THEMIS2: variants seen among roughly 807,000 people sequenced by gnomAD.
THEMIS2 encodes the protein protein THEMIS2.
Under a neutral mutation model 46.8 loss-of-function variants are expected in THEMIS2, and 29 were observed. The ratio of observed to expected loss-of-function variants is 0.62; its 90% confidence interval spans 0.46 to 0.84. The LOEUF (loss-of-function observed/expected upper bound fraction) is 0.84, where lower values mean the gene tolerates loss of function less well. Ranked by LOEUF, THEMIS2 falls within the 40% of genes least tolerant of loss-of-function variation. The pLI, the probability that THEMIS2 is intolerant of heterozygous loss-of-function variation, is 0.00. For missense variants in THEMIS2, 698 were observed against 834.7 expected, an observed-to-expected ratio of 0.84 and a Z score of 2.02; for synonymous variants, 335 against 349.1, an observed-to-expected ratio of 0.96 and a Z score of 0.45.
rs117174801 is a variant in THEMIS2, at chr1:27,883,300, C to T, written c.1719+257C>T. On this transcript the variant is annotated intron_variant, in intron 4 of 5. Transcript: ENST00000373921. Reference sequence around the variant, plus strand: ...GGGTCCCTGTTAATAAGTGGGAGGACTGAACTTGGCCATGGACAGTCTAAC... The same window carrying T: ...GGGTCCCTGTTAATAAGTGGGAGGATTGAACTTGGCCATGGACAGTCTAAC... The T allele has an allele frequency of 3.3e-3, 1,716 of 513,044 alleles. 47 individuals are homozygous for T. The East Asian group carries it at 0.049, about 15-fold the overall frequency. The allele number at this position is 513,044 out of a possible 1,614,324, so 31.8% of individuals were successfully genotyped here. A position where few individuals can be genotyped will look rare whatever the true frequency, so the allele number is the denominator to read the frequency against.
At chr1:27,878,779 G>C (rs982026984) in intron 2 of THEMIS2, among the ~76,000 whole-genome samples, 13 of 151,844 alleles carry the variant, frequency 8.6e-5, no homozygotes, top group African/African-American at 3.1e-4. Context: ...CTAATCCATG[G>C]GCTGTATTTG....
intron 2 of THEMIS2, among the ~76,000 whole-genome samples, chr1:27,877,572 C>A (rs1024704348): frequency 1.1e-4 from 16 of 152,062 alleles, no homozygotes; most frequent in Non-Finnish European, 1.5e-4. Flanking sequence ...CGTGATCTGC[C>A]CGCCTTGGCC....
Position 27,872,589 on chromosome 1 carries a change from G to C in THEMIS2, c.18G>C (p.Leu6=). The C allele has an allele frequency of 6.7e-7, 1 of 1,489,644 alleles. No individual in the cohort carries two copies. The highest frequency in any genetic ancestry group is 8.9e-7 in the Non-Finnish European group (1 of 1,121,798). 92.3% of individuals were successfully genotyped at this position (1,489,644 alleles called of 1,614,324 possible). A position where few individuals can be genotyped will look rare whatever the true frequency, so the allele number is the denominator to read the frequency against. Residue 6 remains leucine (L), a synonymous_variant, in exon 1 of 6, where the codon CTG becomes CTC. Transcript: ENST00000373921. This position sits in a 1 kb window ranked among gnomAD's most constrained non-coding sequence, Gnocchi z 4.9. MEPVP[L]QDFVRALDPA... is the part of the protein sequence containing the mutation. ...CGGGGACCATGGAGCCGGTGCCGCTGCAGGACTTCGTGCGCGCCTTGGACC... is the reference window on the plus strand; with the variant it reads ...CGGGGACCATGGAGCCGGTGCCGCTCCAGGACTTCGTGCGCGCCTTGGACC...
In THEMIS2 at chr1:27,885,186, A is replaced by G. The variant is rs1238309180; in HGVS notation, c.1720-109A>G. The G allele has an allele frequency of 2.5e-6, 3 of 1,183,220 alleles. No individual in the cohort carries two copies. In the East Asian group the frequency reaches 7.4e-5, roughly 29 times the overall value. 73.3% of individuals were successfully genotyped at this position (1,183,220 alleles called of 1,614,324 possible). On this transcript the variant is annotated intron_variant, in intron 4 of 5. Transcript: ENST00000373921. The stretch of plus-strand genomic sequence containing the variant: ...TTGAGAGGTCATAGCCTGAAAAGGA[A>G]GTAGAGAGAGAAGCAGAGGAAGTGA...
At chr1:27,873,223 G>A (rs1468140500) in intron 1 of THEMIS2, among the ~76,000 whole-genome samples, 1 of 152,084 alleles carries the variant, frequency 6.6e-6, no homozygotes, top group East Asian at 1.9e-4. Context: ...CTCCTTGCAC[G>A]CCCCCGTACA....
At position 27,886,191 on chromosome 1, in the gene THEMIS2, G is replaced by A. The variant is rs192720612; in HGVS notation, c.*269G>A. On this transcript the variant is annotated 3_prime_UTR_variant, in exon 6 of 6. Transcript: ENST00000373921. ...CTTGGGATGCAGAGCAGCTGGCAGG[G>A]TTCCTCTCAATCCTGCAACCCCAGC... 102 of 481,460 alleles carry A rather than the reference G, an allele frequency of 2.1e-4. 1 individual carries two copies. Among genetic ancestry groups the A allele is most frequent in the African/African-American group, 1.6e-3 (84 of 51,174 alleles). The allele number at this position is 481,460 out of a possible 1,614,324, so 29.8% of individuals were successfully genotyped here.
rs1363276482 is a variant in THEMIS2 at position 27,882,326 on chromosome 1, C to T, written c.1002C>T (p.Ala334=). ...GGCGGCCAAGGGAGTTCCCCACGGC[C>T]TATGACCTCCTAGGTGCTTTCCAGC... The part of the protein sequence containing the change: ...LRRRPREFPT[A]YDLLGAFQPG... Residue 334 remains alanine, a synonymous_variant, in exon 4 of 6, where the codon GCC becomes GCT. Coordinates refer to ENST00000373921, the MANE Select transcript of THEMIS2 (RefSeq NM_001105556.3). The surrounding 1 kb of genome is among the most constrained non-coding windows in gnomAD (Gnocchi z 7.6). 6.3e-7 allele frequency: 1 copy of T among 1,588,788 alleles called. No individual in the cohort carries two copies. Among genetic ancestry groups the T allele is most frequent in the Non-Finnish European group, 8.6e-7 (1 of 1,166,010 alleles).
At chr1:27,880,475 C>T (rs375096057) in intron 3 of THEMIS2, among the ~76,000 whole-genome samples, 2 of 152,128 alleles carry the variant, frequency 1.3e-5, no homozygotes, top group South Asian at 2.1e-4. Flanking sequence ...CGTGAGCCAC[C>T]GTTCCTGGCC....
intron 3 of THEMIS2, among the ~76,000 whole-genome samples, chr1:27,881,059 C>T (rs1268581759): frequency 6.6e-6 from 1 of 151,870 alleles, no homozygotes; most frequent in Non-Finnish European, 1.5e-5. Flanking sequence ...GGATTACAGG[C>T]GTGAGCCACC....
At chr1:27,874,157 G>A (rs1408796177) in intron 1 of THEMIS2, among the ~76,000 whole-genome samples, 1 of 150,150 alleles carries the variant, frequency 6.7e-6, no homozygotes, top group East Asian at 2.0e-4. Context: ...TCAGCTTCCT[G>A]AGAGGCTGGG....
Position 27,885,404 on chromosome 1 carries a change from CCCACAGGAAGGG to C in THEMIS2, c.1837_1848del (p.Lys613_Arg616del), listed in dbSNP as rs1253160902. 1.9e-6 allele frequency: 3 copies of C among 1,614,064 alleles called. No homozygotes were observed. The African/African-American group carries it at 4.0e-5, about 22-fold the overall frequency. ...TCCAGTACGTACAGCAAGATTCCTG[CCCACAGGAAGGG>C]CCACAGGCCCGCTAAGCCCCAAAGG... On this transcript the variant is annotated inframe_deletion, in exon 5 of 6. Coordinates refer to ENST00000373921, the MANE Select transcript of THEMIS2 (RefSeq NM_001105556.3).
Position 27,880,002 on chromosome 1 carries a change from C to T in THEMIS2, c.594C>T (p.Pro198=), listed in dbSNP as rs755841148. The change falls in exon 3 of 6, where the codon CCC becomes CCT. Residue 198 remains proline (P), a synonymous_variant. Transcript: ENST00000373921. ...TCGTCCTCACCTGCCCCACCCTGCC[C>T]TGGCATTCCCTGATCCTGCGGCCCC... ...KDLVLTCPTL[P]WHSLILRPQY... is the part of the protein sequence containing the mutation. The T allele has an allele frequency of 3.5e-5, 57 of 1,611,450 alleles. No individual in the cohort carries two copies. The highest frequency in any genetic ancestry group is 4.8e-5 in the Non-Finnish European group (57 of 1,178,118).
chr1:27,882,535 A>AG lies in THEMIS2; in HGVS notation c.1213dup (p.Asp405GlyfsTer2). 6.2e-7 allele frequency: 1 copy of AG among 1,613,878 alleles called. No homozygotes were observed. The highest frequency in any genetic ancestry group is 8.5e-7 in the Non-Finnish European group (1 of 1,179,926). The stretch of plus-strand genomic sequence containing the variant: ...CAGCGGCTGAGTGACCAGGCTGGGG[A>AG]GGATGAGGAGGAAGAGTGCAAAGAG... On this transcript the variant is annotated frameshift_variant, in exon 4 of 6. Coordinates refer to ENST00000373921, the MANE Select transcript of THEMIS2 (RefSeq NM_001105556.3). LOFTEE classifies it high-confidence loss of function. The surrounding 1 kb of genome is among the most constrained non-coding windows in gnomAD (Gnocchi z 7.6).
intron 2 of THEMIS2, among the ~76,000 whole-genome samples, chr1:27,878,728 G>T (rs949309769): frequency 6.6e-6 from 1 of 152,010 alleles, no homozygotes; most frequent in Non-Finnish European, 1.5e-5. Context: ...ATGGTTCAAT[G>T]ATCAAATTCA....
At position 27,885,382 on chromosome 1, in the gene THEMIS2, A is replaced by G. The variant is rs141747760; in HGVS notation, c.1807A>G (p.Ser603Gly). 361 of 1,614,196 alleles carry G rather than the reference A, an allele frequency of 2.2e-4. 3 individuals carry two copies. Among genetic ancestry groups the G allele is most frequent in the South Asian group, 7.2e-4 (66 of 91,090 alleles). The stretch of plus-strand genomic sequence containing the variant: ...GCCAGAGTTCATCAAGGATGGCTCC[A>G]GTACGTACAGCAAGATTCCTGCCCA... ...TLPEFIKDGS[S>G]TYSKIPAHRK... is the part of the protein sequence containing the mutation. Residue 603 changes from serine to glycine, a missense_variant, in exon 5 of 6, where the codon AGT becomes GGT. Ser to Gly is a moderately conservative substitution (Grantham distance 56, BLOSUM62 0). Coordinates refer to ENST00000373921, the MANE Select transcript of THEMIS2 (RefSeq NM_001105556.3).
chr1:27,882,662 T>C lies in THEMIS2; in HGVS notation c.1338T>C (p.Thr446=). 6.2e-7 allele frequency: 1 copy of C among 1,614,168 alleles called. No homozygotes were observed. Among genetic ancestry groups the C allele is most frequent in the Non-Finnish European group, 8.5e-7 (1 of 1,180,034 alleles). ...DSRRYSLADL[T]AQFSLPCEVK... ...GGCGCTACAGCCTGGCAGATCTGAC[T>C]GCCCAGTTTTCACTGCCTTGTGAGG... Residue 446 remains threonine, a synonymous_variant, in exon 4 of 6, where the codon ACT becomes ACC. Transcript: ENST00000373921. The surrounding 1 kb of genome is among the most constrained non-coding windows in gnomAD (Gnocchi z 7.6).
At chr1:27,885,509 T>C in intron 5 of THEMIS2, 58 bp downstream of exon 5, 1 of 1,577,224 alleles carries the variant, frequency 6.3e-7, no homozygotes, top group African/African-American at 1.4e-5. Flanking sequence ...CCTACCTTGC[T>C]GCTTCCTTTG....
rs775104517 is a variant in THEMIS2 at position 27,882,322 on chromosome 1, C to A, written c.998C>A (p.Thr333Lys). ...KLRRRPREFPTAYDLLGAFQP... is the reference protein window; with the variant it reads ...KLRRRPREFPKAYDLLGAFQP... ...CGGCGGCGGCCAAGGGAGTTCCCCA[C>A]GGCCTATGACCTCCTAGGTGCTTTC... The change falls in exon 4 of 6, where the codon ACG (threonine) becomes AAG (lysine). Residue 333 changes from threonine to lysine, a missense_variant. Coordinates refer to ENST00000373921, the MANE Select transcript of THEMIS2 (RefSeq NM_001105556.3). The surrounding 1 kb of genome is among the most constrained non-coding windows in gnomAD (Gnocchi z 7.6). 1.3e-6 allele frequency: 2 copies of A among 1,589,976 alleles called. No individual in the cohort carries two copies. Among genetic ancestry groups the A allele is most frequent in the Middle Eastern group, 1.7e-4 (1 of 5,924 alleles).
At chr1:27,885,796 G>A in intron 5 of THEMIS2, 71 bp from the exon 6 acceptor site, 1 of 1,495,552 alleles carries the variant, frequency 6.7e-7, no homozygotes, top group Non-Finnish European at 9.3e-7. Context: ...CACAGATGAG[G>A]AAACTGCCCT....
Sources: gnomAD v4.1 joint callset for allele counts (sites outside exome capture counted in the v4.1 genomes callset) on GRCh38, gnomAD v4.1.1 for gene constraint, Gnocchi (gnomAD v3.1) non-coding constraint, MANE v1.5 for transcripts, NCBI Gene and HGNC (gene_info 2026-07-23, HGNC 2026-07-21) for gene names.